The following SAMSN1 variants were observed in gnomAD, a reference collection of about 807,000 sequenced individuals.
The protein encoded by SAMSN1 is SAM domain-containing protein SAMSN-1.
SAMSN1 carries 31 observed loss-of-function variants against 42.0 expected under a neutral mutation model. The ratio of observed to expected loss-of-function variants is 0.74; its 90% CI spans 0.55 to 1.00. The LOEUF (loss-of-function observed/expected upper bound fraction) is 1.00. Ranked by LOEUF, SAMSN1 falls within the 50% of genes least tolerant of loss-of-function variation. The pLI is 0.00. For missense variants in SAMSN1, 464 were observed against 439.4 expected (o/e 1.06, Z -0.50); for synonymous variants, 178 against 151.9 (o/e 1.17, Z -1.26).
chr21:14,583,182 C>T (rs1981808748), intron 1 of SAMSN1: 2 of 152,768 alleles, frequency 1.3e-5, no homozygotes, highest in Non-Finnish European at 2.9e-5. Flanking sequence ...ATATATATCA[C>T]CCAGAGTCAA....
At chr21:14,636,232 A>T (rs1983464239) in intron 2 of SAMSN1, among the ~76,000 whole-genome samples, 1 of 152,200 alleles carries the variant, frequency 6.6e-6, no homozygotes, top group South Asian at 2.1e-4. Flanking sequence ...TTCTCTAGAT[A>T]TCAGAACATA....
chr21:14,545,216 C>G lies in SAMSN1; in HGVS notation c.57+989G>C, dbSNP rs1290561019. Among the ~76,000 whole-genome samples the G allele has an allele frequency of 5.9e-5, 9 of 152,134 alleles. No individual in the cohort carries two copies. The East Asian group carries it at 1.5e-3, about 26-fold the overall frequency. ...TTCAGAAAAACTTGGATGGTAACTT[C>G]CAAAGAGTTTCAAAATATTGACCAT... On this transcript the variant is annotated intron_variant, in intron 1 of 7. Transcript: ENST00000400566.
chr21:14,649,038 G>A (rs1216852760), intron 1 of SAMSN1, among the ~76,000 whole-genome samples: 1 of 151,792 alleles, frequency 6.6e-6, no homozygotes, highest in Non-Finnish European at 1.5e-5. Flanking sequence ...CAACAATGAT[G>A]GACTGGATTA....
At chr21:14,499,266 A>C (rs1230972979) in intron 6 of SAMSN1, among the ~76,000 whole-genome samples, 6 of 152,170 alleles carry the variant, frequency 3.9e-5, no homozygotes, top group Non-Finnish European at 5.9e-5. Context: ...TTAGTTTAAA[A>C]TTCATAGGTT....
intron 7 of SAMSN1, among the ~76,000 whole-genome samples, chr21:14,590,265 A>ATT (rs112933071): frequency 0.57 from 41,952 of 73,032 alleles, 6,447 homozygotes; most frequent in African/African-American, 0.6. Flanking sequence ...TAATTGGGAG[A>ATT]ATTTTTTTTT....
chr21:14,489,944 T>G (rs902646818), intron 7 of SAMSN1, among the ~76,000 whole-genome samples: 1 of 152,246 alleles, frequency 6.6e-6, no homozygotes, highest in South Asian at 2.1e-4. Flanking sequence ...ATACTAAAAG[T>G]GAAGATAGTT....
At chr21:14,639,575 C>T (rs1161176095) in intron 2 of SAMSN1, among the ~76,000 whole-genome samples, 2 of 152,090 alleles carry the variant, frequency 1.3e-5, no homozygotes, top group East Asian at 3.8e-4. Context: ...ATTAAATTTC[C>T]AACACATGAA....
At chr21:14,646,341 C>A (rs1983712649) in intron 1 of SAMSN1, among the ~76,000 whole-genome samples, 1 of 152,166 alleles carries the variant, frequency 6.6e-6, no homozygotes, top group Admixed American at 6.5e-5. Flanking sequence ...GGAAACCTTA[C>A]AGGCCAGGAG....
intron 2 of SAMSN1, among the ~76,000 whole-genome samples, chr21:14,631,798 A>G (rs1983338496): frequency 6.6e-6 from 1 of 152,186 alleles, no homozygotes; most frequent in South Asian, 2.1e-4. Context: ...TATAAATCAG[A>G]ATTTAATCAC....
chr21:14,529,346 G>A lies in SAMSN1; in HGVS notation c.58-8125C>T, dbSNP rs140347210. Among the ~76,000 whole-genome samples the A allele has an allele frequency of 3.3e-3, 497 of 152,278 alleles. 5 individuals carry two copies. Among genetic ancestry groups the A allele is most frequent in the African/African-American group, 0.011 (448 of 41,544 alleles). ...ATCTCCAATGGATAAAAATCCTACAGTCGTGAGACTTGGGCAAAACCATGG... is the reference window on the plus strand; with the variant it reads ...ATCTCCAATGGATAAAAATCCTACAATCGTGAGACTTGGGCAAAACCATGG... On this transcript the variant is annotated intron_variant, in intron 1 of 7. Coordinates refer to ENST00000400566, the MANE Select transcript of SAMSN1 (RefSeq NM_022136.5).
chr21:14,632,551 ATTG>A (rs1376087900), intron 2 of SAMSN1, among the ~76,000 whole-genome samples: 1 of 152,212 alleles, frequency 6.6e-6, no homozygotes, highest in Non-Finnish European at 1.5e-5. Context: ...TACAAATAAT[ATTG>A]TAATACAAAT....
intron 2 of SAMSN1, among the ~76,000 whole-genome samples, chr21:14,556,844 C>T (rs1404371490): frequency 1.3e-5 from 2 of 152,180 alleles, no homozygotes; most frequent in African/African-American, 2.4e-5. Context: ...AAAACTTTTC[C>T]ATAACATTTG....
chr21:14,572,992 C>T (rs1981348465), intron 2 of SAMSN1, among the ~76,000 whole-genome samples: 1 of 152,168 alleles, frequency 6.6e-6, no homozygotes, highest in South Asian at 2.1e-4. Flanking sequence ...TACTGTCTTA[C>T]TGAATCATAA....
upstream of SAMSN1, among the ~76,000 whole-genome samples, chr21:14,548,920 C>G (rs1168253674): frequency 6.6e-6 from 1 of 152,094 alleles, no homozygotes; most frequent in Non-Finnish European, 1.5e-5. Context: ...CACTAGCAAC[C>G]CTGTTGCTTA....
At chr21:14,658,865 C>T, upstream of SAMSN1, 1 of 697,074 alleles carries the variant, frequency 1.4e-6, no homozygotes, top group Non-Finnish European at 2.7e-6. Flanking sequence ...GGCCAGTTCT[C>T]ATGGGAGATT....
intron 1 of SAMSN1, among the ~76,000 whole-genome samples, chr21:14,536,979 G>A (rs1345048972): frequency 1.3e-5 from 2 of 152,148 alleles, no homozygotes; most frequent in East Asian, 1.9e-4. Flanking sequence ...TCCCTTGCCT[G>A]GTTTCTGCAA....
intron 6 of SAMSN1, among the ~76,000 whole-genome samples, chr21:14,601,210 C>A (rs201931775): frequency 6.6e-6 from 1 of 152,148 alleles, no homozygotes; most frequent in Non-Finnish European, 1.5e-5. Context: ...TGTGTTATCA[C>A]ATCTTGTAGC....
upstream of SAMSN1, chr21:14,585,552 C>T (rs1490618498): frequency 2.6e-5 from 4 of 152,186 alleles, no homozygotes; most frequent in East Asian, 1.9e-4. Flanking sequence ...AGTAAGATCT[C>T]ATGTCCTAGA....
intron 2 of SAMSN1, among the ~76,000 whole-genome samples, chr21:14,520,583 T>C (rs1158109899): frequency 1.3e-5 from 2 of 152,174 alleles, no homozygotes; most frequent in Admixed American, 6.5e-5. Context: ...TACTGGGTAC[T>C]GATAGAGACA....
Sources: gnomAD v4.1 joint callset for allele counts (sites outside exome capture counted in the v4.1 genomes callset) on GRCh38, gnomAD v4.1.1 for gene constraint, MANE v1.5 for transcripts, NCBI Gene and HGNC (gene_info 2026-07-23, HGNC 2026-07-21) for gene names.